The following BEND3 variants were observed in gnomAD, a reference collection of about 807,000 sequenced individuals.
The protein encoded by BEND3 is BEN domain-containing protein 3.
In BEND3, 13 loss-of-function variants were observed where a neutral mutation model predicts 60.1. That is an observed-to-expected ratio of 0.22 (90% CI 0.14 to 0.34). BEND3 has a LOEUF of 0.34. BEND3 is among the 10% of genes least tolerant of loss of function. The pLI, the probability that BEND3 is intolerant of heterozygous loss-of-function variation, is 1.00. For missense variants in BEND3, 896 were observed against 1,138.1 expected (o/e 0.79, Z 3.06); for synonymous variants, 497 against 491.5 (o/e 1.01, Z -0.15).
rs1775431097 is a variant in BEND3, at chr6:107,089,597, AGGATT to A, written c.240+8949_240+8953del. Among the ~76,000 whole-genome samples the A allele has an allele frequency of 4.6e-5, 5 of 109,666 alleles. No homozygotes were observed. The Admixed American group carries it at 4.6e-4, about 10-fold the overall frequency. The allele number at this position is 109,666 out of a possible 152,430, so 71.9% of individuals were successfully genotyped here. ...CGAGACTCTGTCTCGAAAAAAAAAA[AGGATT>A]TTTTTTTTTCGAGACAGAGTCTCGC... On this transcript the variant is annotated intron_variant, in intron 3 of 3. Transcript: ENST00000369042.
intron 3 of BEND3, among the ~76,000 whole-genome samples, chr6:107,077,953 G>C (rs1198566071): frequency 6.6e-6 from 1 of 152,050 alleles, no homozygotes. Flanking sequence ...AAAAACCCCA[G>C]GAGAACAAAG....
chr6:107,078,082 T>A (rs377419788), intron 3 of BEND3, among the ~76,000 whole-genome samples: 1 of 152,216 alleles, frequency 6.6e-6, no homozygotes, highest in Non-Finnish European at 1.5e-5. Flanking sequence ...GGCTACGAAG[T>A]CCTCTCCAAC....
At chr6:107,093,986 C>T (rs991070863) in intron 3 of BEND3, among the ~76,000 whole-genome samples, 1 of 152,124 alleles carries the variant, frequency 6.6e-6, no homozygotes, top group African/African-American at 2.4e-5. Flanking sequence ...AAAAGACATA[C>T]CTGATAAAGG....
At position 107,069,016 on chromosome 6, in the gene BEND3, C is replaced by T; in HGVS notation, c.2175G>A (p.Glu725=). Residue 725 remains glutamate, a synonymous_variant, in exon 4 of 4, where the codon GAG becomes GAA. Transcript: ENST00000369042. ...GGCTCTGCTGCACGATCTCACGCACCTCCTTGTCAGACAGCAGGTAGGGAG... is the reference window on the plus strand; with the variant it reads ...GGCTCTGCTGCACGATCTCACGCACTTCCTTGTCAGACAGCAGGTAGGGAG... ...VPSPYLLSDK[E]VREIVQQSLS... 1 of 1,613,822 alleles carries T rather than the reference C, an allele frequency of 6.2e-7. No individual in the cohort carries two copies. The highest frequency in any genetic ancestry group is 8.5e-7 in the Non-Finnish European group (1 of 1,180,024).
intron 3 of BEND3, among the ~76,000 whole-genome samples, chr6:107,075,085 A>G (rs1214315644): frequency 2.0e-5 from 3 of 148,606 alleles, no homozygotes; most frequent in African/African-American, 7.4e-5. Flanking sequence ...GAGCGTCTCA[A>G]AAAAAAAAAA....
Position 107,069,984 on chromosome 6 carries a change from C to T in BEND3, c.1207G>A (p.Glu403Lys), listed in dbSNP as rs1774931884. 1.2e-6 allele frequency: 2 copies of T among 1,613,526 alleles called. No individual in the cohort carries two copies. Among genetic ancestry groups the T allele is most frequent in the East Asian group, 2.2e-5 (1 of 44,824 alleles). The change falls in exon 4 of 4, where the codon GAA (glutamate) becomes AAA (lysine). Residue 403 changes from glutamate (E) to lysine (K), a missense_variant. Physicochemically the swap from Glu to Lys is moderately conservative, Grantham distance 56. Around this residue, in one of 4 missense-constraint regions of BEND3, gnomAD observed 846 missense variants for 1,036.7 expected, o/e 0.82. Coordinates refer to ENST00000369042, the MANE Select transcript of BEND3 (RefSeq NM_001367314.1). ...DTQDLTEFLDEASSPGEFAVF... is the reference protein window; with the variant it reads ...DTQDLTEFLDKASSPGEFAVF... ...GCAAACTCGCCTGGTGAGGAGGCTT[C>T]GTCCAGGAACTCAGTGAGGTCCTGC...
rs782520205 is a variant in BEND3, at chr6:107,099,254, T to C, written c.32A>G (p.Glu11Gly). Residue 11 changes from glutamate (E) to glycine (G), a missense_variant, in exon 2 of 4, where the codon GAA becomes GGA. By Grantham distance (98) the Glu-to-Gly change is moderately conservative (BLOSUM62 -2). Transcript: ENST00000369042. MNSTEFTEDV[E>G]EVLKSITVKV... is the part of the protein sequence containing the mutation. Reference sequence around the variant, plus strand: ...AAAGGGCATTTTTTTTTTACCTTCTTCTACATCTTCGGTGAATTCAGTTGA... The same window carrying C: ...AAAGGGCATTTTTTTTTTACCTTCTCCTACATCTTCGGTGAATTCAGTTGA... 6.2e-7 allele frequency: 1 copy of C among 1,611,332 alleles called. No homozygotes were observed. The highest frequency in any genetic ancestry group is 8.5e-7 in the Non-Finnish European group (1 of 1,177,686).
Position 107,069,116 on chromosome 6 carries a change from T to C in BEND3, c.2075A>G (p.Glu692Gly). The change falls in exon 4 of 4, where the codon GAG becomes GGG. Residue 692 changes from glutamate to glycine, a missense_variant. Physicochemically the swap from Glu to Gly is moderately conservative, Grantham distance 98. This residue lies in a region of BEND3 where 846 missense variants were observed against 1,036.7 expected (regional missense o/e 0.82). Transcript: ENST00000369042. ...CTTGCAAAAGTCCTTGCTGCTCCTC[T>C]CGGGGGGCAGTGGGGGCCCCTCAAA... ...EEFEGPPLPPERSSKDFCKIP... is the reference protein window; with the variant it reads ...EEFEGPPLPPGRSSKDFCKIP... The C allele has an allele frequency of 6.2e-7, 1 of 1,612,556 alleles. No homozygotes were observed. The highest frequency in any genetic ancestry group is 8.5e-7 in the Non-Finnish European group (1 of 1,179,906).
chr6:107,083,147 A>G (rs1775267303), intron 3 of BEND3, among the ~76,000 whole-genome samples: 1 of 152,202 alleles, frequency 6.6e-6, no homozygotes, highest in African/African-American at 2.4e-5. Flanking sequence ...ACTGTCTTGT[A>G]GCTTTCATCT....
chr6:107,071,244 C>G (rs1774974312), intron 3 of BEND3, among the ~76,000 whole-genome samples: 2 of 152,344 alleles, frequency 1.3e-5, no homozygotes, highest in South Asian at 4.1e-4. Context: ...CGTCAGAGGG[C>G]TGACACTGAT....
chr6:107,105,557 TAGTC>T (rs782415698), intron 1 of BEND3, among the ~76,000 whole-genome samples: 3 of 152,042 alleles, frequency 2.0e-5, no homozygotes, highest in Non-Finnish European at 4.4e-5. Flanking sequence ...GTTCTTTGAA[TAGTC>T]AGTTGCTGTG....
chr6:107,111,121 T>C (rs1770071481), intron 1 of BEND3, among the ~76,000 whole-genome samples: 1 of 152,110 alleles, frequency 6.6e-6, no homozygotes, highest in East Asian at 1.9e-4. Context: ...GCCTAGACTG[T>C]GCCACTGCAC....
At chr6:107,090,384 G>A (rs1582658603) in intron 3 of BEND3, among the ~76,000 whole-genome samples, 1 of 152,244 alleles carries the variant, frequency 6.6e-6, no homozygotes, top group East Asian at 1.9e-4. Flanking sequence ...TAGGGAGTTT[G>A]TTGCCAGAAA....
chr6:107,098,575 C>T lies in BEND3; in HGVS notation c.216G>A (p.Val72=), dbSNP rs556287412. 1 of 1,613,316 alleles carries T rather than the reference C, an allele frequency of 6.2e-7. No homozygotes were observed. Among genetic ancestry groups the T allele is most frequent in the Admixed American group, 1.7e-5 (1 of 60,020 alleles). The stretch of plus-strand genomic sequence containing the variant: ...CCTCGGGGATCAGCCGCCTCCTCTT[C>T]ACGCCGGGGACAGAGTCTAGCAGGC... ...SDGLLDSVPG[V]KRRRLIPEAL... The change falls in exon 3 of 4, where the codon GTG becomes GTA. Residue 72 remains valine, a synonymous_variant. Coordinates refer to ENST00000369042, the MANE Select transcript of BEND3 (RefSeq NM_001367314.1).
chr6:107,108,663 A>G (rs781851462), intron 1 of BEND3, among the ~76,000 whole-genome samples: 21 of 152,184 alleles, frequency 1.4e-4, no homozygotes, highest in Non-Finnish European at 2.5e-4. Context: ...AGCCCCTGAC[A>G]TACAAGAAAA....
Position 107,079,196 on chromosome 6 carries a change from G to A in BEND3, c.241-8246C>T, listed in dbSNP as rs146948272. 1.1e-3 allele frequency among the ~76,000 whole-genome samples: 167 copies of A among 152,318 alleles called. 2 individuals carry two copies. In the East Asian group the frequency reaches 0.029, roughly 26 times the overall value. ...TCATTGACCAGCAAAACAATGTGGA[G>A]TTTGGCAGGGGCAGTAGGAGGAGGG... On this transcript the variant is annotated intron_variant, in intron 3 of 3. Coordinates refer to ENST00000369042, the MANE Select transcript of BEND3 (RefSeq NM_001367314.1).
chr6:107,085,531 G>A (rs180938434), intron 3 of BEND3, among the ~76,000 whole-genome samples: 8 of 151,718 alleles, frequency 5.3e-5, no homozygotes, highest in African/African-American at 9.7e-5. Flanking sequence ...TCACTCTGTC[G>A]CCCAGGCTGG....
Position 107,109,869 on chromosome 6 carries a change from C to T in BEND3, c.-12+5221G>A, listed in dbSNP as rs1235203304. ...AGCCTGGGCAACAAGGGCAAAACTCCGTCTCAAAAAAATCAGCCAGGCATG... is the reference window on the plus strand; with the variant it reads ...AGCCTGGGCAACAAGGGCAAAACTCTGTCTCAAAAAAATCAGCCAGGCATG... On this transcript the variant is annotated intron_variant, in intron 1 of 3. Coordinates refer to ENST00000369042, the MANE Select transcript of BEND3 (RefSeq NM_001367314.1). Among the ~76,000 whole-genome samples, 6 of 151,784 alleles carry T rather than the reference C, an allele frequency of 4.0e-5. No individual in the cohort carries two copies. The East Asian group carries it at 7.8e-4, about 20-fold the overall frequency.
rs1774802198 is a variant in BEND3 at position 107,065,201 on chromosome 6, T to C, written c.*3503A>G. ...ACCATGTTTTTCTATTTTTATAACATTTTATATAACTCATAAAACAGTGTT... is the reference window on the plus strand; with the variant it reads ...ACCATGTTTTTCTATTTTTATAACACTTTATATAACTCATAAAACAGTGTT... On this transcript the variant is annotated 3_prime_UTR_variant, in exon 4 of 4. Coordinates refer to ENST00000369042, the MANE Select transcript of BEND3 (RefSeq NM_001367314.1). The C allele has an allele frequency of 6.6e-6, 1 of 152,614 alleles. No individual in the cohort carries two copies. The highest frequency in any genetic ancestry group is 2.4e-5 in the African/African-American group (1 of 41,438). The allele number at this position is 152,614 out of a possible 1,614,324, so 9.5% of individuals were successfully genotyped here.
Sources: gnomAD v4.1 joint callset for allele counts (sites outside exome capture counted in the v4.1 genomes callset) on GRCh38, gnomAD v4.1.1 for gene constraint, gnomAD v4.1.1 regional missense constraint, MANE v1.5 for transcripts, NCBI Gene and HGNC (gene_info 2026-07-23, HGNC 2026-07-21) for gene names.